The following SEC14L5 variants were observed in gnomAD, a reference collection of about 807,000 sequenced individuals.
SEC14L5 encodes the protein SEC14 like lipid binding 5.
A neutral mutation model predicts 84.6 loss-of-function variants in SEC14L5; 96 were observed. The observed-to-expected ratio is 1.13, with a 90% confidence interval of 0.96 to 1.34. The LOEUF is 1.34. Ranked by LOEUF, SEC14L5 falls within the 40% of genes most tolerant of loss-of-function variation. The probability of loss-of-function intolerance (pLI) is 0.00; values close to 1 mark genes in which losing one functional copy is unlikely to be tolerated. For synonymous variants in SEC14L5, 546 were observed against 383.4 expected, an observed-to-expected ratio of 1.42 and a Z score of -4.95; for missense variants, 1,224 against 942.5, an observed-to-expected ratio of 1.30 and a Z score of -3.91.
At chr16:4,999,091 G>T (rs57724402) in intron 8 of SEC14L5, among the ~76,000 whole-genome samples, 1 of 152,260 alleles carries the variant, frequency 6.6e-6, no homozygotes, top group South Asian at 2.1e-4. Context: ...ATGCCACATT[G>T]TTGCATTTTT....
rs772439684 is a variant in SEC14L5 at position 5,014,968 on chromosome 16, T to C, written c.2089T>C (p.Ter697GlnextTer20). ...QSHSSSLVSR[*>Q] Reference sequence around the variant, plus strand: ...TCATAGCAGCTCCCTGGTCTCCAGATAGCCGGGCCCAGTGTTTCAGGGCCG... The same window carrying C: ...TCATAGCAGCTCCCTGGTCTCCAGACAGCCGGGCCCAGTGTTTCAGGGCCG... Residue 697 changes from the stop codon to glutamine, a stop_lost, in exon 16 of 16, where the codon TAG (stop) becomes CAG (glutamine). Coordinates refer to ENST00000251170, the MANE Select transcript of SEC14L5 (RefSeq NM_014692.2). 5.5e-5 allele frequency: 88 copies of C among 1,608,432 alleles called. No individual in the cohort carries two copies. The highest frequency in any genetic ancestry group is 7.0e-5 in the Non-Finnish European group (83 of 1,178,710).
chr16:5,009,386 T>G (rs759502894), intron 14 of SEC14L5, among the ~76,000 whole-genome samples: 1 of 152,142 alleles, frequency 6.6e-6, no homozygotes, highest in Non-Finnish European at 1.5e-5. Flanking sequence ...TGTAGTGATA[T>G]GATCACAGCT....
intron 2 of SEC14L5, among the ~76,000 whole-genome samples, chr16:4,975,612 G>A (rs923075037): frequency 1.3e-5 from 2 of 151,950 alleles, no homozygotes; most frequent in Non-Finnish European, 2.9e-5. Flanking sequence ...TTGCAATTGT[G>A]AATTGTGCTG....
At chr16:4,964,423 C>T (rs545603570) in intron 2 of SEC14L5, among the ~76,000 whole-genome samples, 24 of 152,006 alleles carry the variant, frequency 1.6e-4, no homozygotes, top group Non-Finnish European at 2.6e-4. Context: ...CCCGTCTTCC[C>T]TAAAAATACA....
intron 2 of SEC14L5, among the ~76,000 whole-genome samples, chr16:4,977,647 T>C (rs1292956348): frequency 6.6e-6 from 1 of 151,826 alleles, no homozygotes; most frequent in Non-Finnish European, 1.5e-5. Flanking sequence ...GTGATTGACA[T>C]GGGTAGAGCC....
At chr16:5,014,643 A>T (rs912166265) in intron 15 of SEC14L5, among the ~76,000 whole-genome samples, 1 of 152,226 alleles carries the variant, frequency 6.6e-6, no homozygotes, top group South Asian at 2.1e-4. Context: ...GGAGCCCCTG[A>T]TGGGTCTGTG....
At chr16:4,981,482 C>T (rs1199407540) in intron 2 of SEC14L5, among the ~76,000 whole-genome samples, 2 of 151,920 alleles carry the variant, frequency 1.3e-5, no homozygotes, top group Non-Finnish European at 2.9e-5. Context: ...GGAGACTGAG[C>T]AGTAGAAGGA....
chr16:4,988,840 CA>C (rs1955523545), intron 4 of SEC14L5, among the ~76,000 whole-genome samples: 1 of 152,260 alleles, frequency 6.6e-6, no homozygotes, highest in East Asian at 1.9e-4. Context: ...AAGTGATGAG[CA>C]CCCAGCAGTG....
chr16:4,967,203 C>A (rs1955211502), intron 2 of SEC14L5, among the ~76,000 whole-genome samples: 1 of 152,210 alleles, frequency 6.6e-6, no homozygotes, highest in South Asian at 2.1e-4. Flanking sequence ...CCTCTGGAGG[C>A]TCTAGAAGGG....
chr16:4,994,734 C>T (rs1426579831), intron 6 of SEC14L5, among the ~76,000 whole-genome samples: 2 of 151,586 alleles, frequency 1.3e-5, no homozygotes, highest in African/African-American at 4.9e-5. Flanking sequence ...TGTGCACGCT[C>T]TCTGTGGCCT....
chr16:4,979,303 A>G (rs1955390223), intron 2 of SEC14L5, among the ~76,000 whole-genome samples: 1 of 152,140 alleles, frequency 6.6e-6, no homozygotes, highest in Non-Finnish European at 1.5e-5. Context: ...ACAGTGCACC[A>G]ACCCCATGGT....
intron 2 of SEC14L5, among the ~76,000 whole-genome samples, chr16:4,969,707 A>G (rs931312399): frequency 5.9e-5 from 9 of 151,826 alleles, no homozygotes; most frequent in Non-Finnish European, 1.2e-4. Context: ...TTTGAAATGC[A>G]TTGTTATTCT....
At chr16:4,973,680 CT>C (rs34324146) in intron 2 of SEC14L5, among the ~76,000 whole-genome samples, 23,089 of 126,878 alleles carry the variant, frequency 0.18, 1,831 homozygotes, top group African/African-American at 0.25. Context: ...TTCTCTGTCT[CT>C]TTTTTTTTTT....
chr16:4,967,211 G>A (rs1955211605), intron 2 of SEC14L5, among the ~76,000 whole-genome samples: 1 of 152,190 alleles, frequency 6.6e-6, no homozygotes, highest in Admixed American at 6.5e-5. Context: ...GGCTCTAGAA[G>A]GGGATCTGCT....
intron 2 of SEC14L5, among the ~76,000 whole-genome samples, chr16:4,969,486 C>T (rs995930877): frequency 5.3e-5 from 8 of 151,912 alleles, no homozygotes; most frequent in Admixed American, 5.2e-4. Flanking sequence ...CAGGTTCAAG[C>T]GATTTTCCTG....
At chr16:4,982,430 C>T (rs1398139208) in intron 2 of SEC14L5, among the ~76,000 whole-genome samples, 1 of 152,174 alleles carries the variant, frequency 6.6e-6, no homozygotes, top group Non-Finnish European at 1.5e-5. Context: ...CCTTCTAGAA[C>T]TGGGCACGGA....
chr16:4,980,504 T>A (rs150272251), intron 2 of SEC14L5, among the ~76,000 whole-genome samples: 83 of 152,282 alleles, frequency 5.5e-4, no homozygotes, highest in African/African-American at 1.5e-3. Flanking sequence ...GTGCTGAGTC[T>A]GTGGCTTTAT....
chr16:4,989,516 T>G (rs964513015), intron 4 of SEC14L5, among the ~76,000 whole-genome samples: 1 of 152,060 alleles, frequency 6.6e-6, no homozygotes, highest in African/African-American at 2.4e-5. Context: ...CCGGCTGATT[T>G]TTGTATTTTT....
chr16:5,003,933 T>A (rs1296429819), intron 11 of SEC14L5, among the ~76,000 whole-genome samples: 1 of 152,236 alleles, frequency 6.6e-6, no homozygotes, highest in Non-Finnish European at 1.5e-5. Flanking sequence ...ACCTGAAATA[T>A]ACTCTATATT....
Sources: allele counts gnomAD v4.1 joint callset (sites outside exome capture counted in the v4.1 genomes callset), GRCh38; gene constraint gnomAD v4.1.1; transcripts MANE v1.5; gene names NCBI Gene and HGNC (gene_info 2026-07-23, HGNC 2026-07-21).